The following TAB2 variants were observed in gnomAD, a reference collection of about 807,000 sequenced individuals.
TAB2 encodes the protein TGF-beta activated kinase 1 (MAP3K7) binding protein 2.
A neutral mutation model predicts 65.0 loss-of-function variants in TAB2; 3 were observed. The observed-to-expected ratio is 0.05, with a 90% CI of 0.02 to 0.12. TAB2 has a LOEUF of 0.12. TAB2 is among the 10% of genes least tolerant of loss of function. The pLI, the probability that TAB2 is intolerant of heterozygous loss-of-function variation, is 1.00. For synonymous variants in TAB2, 298 were observed against 285.1 expected (o/e 1.05, Z -0.46); for missense variants, 623 against 840.3 (o/e 0.74, Z 3.20).
chr6:149,319,982 C>T (rs189668611), intron 1 of TAB2, among the ~76,000 whole-genome samples: 1 of 152,340 alleles, frequency 6.6e-6, no homozygotes, highest in African/African-American at 2.4e-5. Context: ...ATTGAAATCA[C>T]ACCTATGCTT....
At chr6:149,222,890 A>G (rs191084482) in intron 1 of TAB2, among the ~76,000 whole-genome samples, 1 of 152,258 alleles carries the variant, frequency 6.6e-6, no homozygotes, top group East Asian at 1.9e-4. Flanking sequence ...ACTTTTTCCT[A>G]AGTAATCCAT....
chr6:149,366,749 C>T (rs1364322476), intron 1 of TAB2, among the ~76,000 whole-genome samples: 2 of 152,022 alleles, frequency 1.3e-5, no homozygotes, highest in Admixed American at 6.6e-5. Context: ...GGAAGTAGAA[C>T]CCATAAAATA....
At chr6:149,283,416 A>C (rs897305106) in intron 1 of TAB2, among the ~76,000 whole-genome samples, 3 of 152,182 alleles carry the variant, frequency 2.0e-5, no homozygotes, top group Non-Finnish European at 4.4e-5. Context: ...GTATAGAAGA[A>C]ACTACAAGAA....
intron 1 of TAB2, among the ~76,000 whole-genome samples, chr6:149,357,276 C>T (rs1439528760): frequency 1.3e-5 from 2 of 151,762 alleles, no homozygotes; most frequent in Admixed American, 6.6e-5. Context: ...ACTAATCGGG[C>T]GTGGTGGTGT....
intron 1 of TAB2, among the ~76,000 whole-genome samples, chr6:149,340,272 A>G (rs1780074231): frequency 1.3e-5 from 2 of 152,238 alleles, no homozygotes; most frequent in African/African-American, 4.8e-5. Context: ...GCTAACATTA[A>G]TAAGAGGCAT....
In TAB2 at chr6:149,255,199, T is replaced by G. The variant is rs144335792; in HGVS notation, c.-121+36423T>G. The G allele has an allele frequency of 3.9e-5, 6 of 152,326 alleles. No homozygotes were observed. In the East Asian group the frequency reaches 1.2e-3, roughly 29 times the overall value. 9.4% of individuals were successfully genotyped at this position (152,326 alleles called of 1,614,324 possible). On this transcript the variant is annotated intron_variant, in intron 1 of 1. Coordinates refer to the TAB2 transcript ENST00000606202. ...GGGCAGGACCCTGTGATGGGACTGG[T>G]CCCGTTAGAAGAGGGAGAGACACCA...
rs78968693 is a variant in TAB2 at position 149,234,121 on chromosome 6, A to G, written c.-121+15345A>G. The stretch of plus-strand genomic sequence containing the variant: ...AAGAACTATATTGAACAAGACACCT[A>G]TGACTCACAAACCGCTCCTAGTATG... On this transcript the variant is annotated intron_variant, in intron 1 of 1. Transcript: ENST00000606202. Among the ~76,000 whole-genome samples the G allele has an allele frequency of 2.9e-3, 446 of 152,306 alleles. 5 individuals are homozygous for G. The highest frequency in any genetic ancestry group is 0.023 in the East Asian group (119 of 5,194).
At chr6:149,298,279 A>C (rs1309075029) in intron 1 of TAB2, among the ~76,000 whole-genome samples, 1 of 134,378 alleles carries the variant, frequency 7.4e-6, no homozygotes. Flanking sequence ...AATCATTAGA[A>C]GAAAAAGAGA....
intron 1 of TAB2, among the ~76,000 whole-genome samples, chr6:149,290,234 A>G (rs536198004): frequency 6.6e-5 from 10 of 152,138 alleles, no homozygotes; most frequent in Non-Finnish European, 1.3e-4. Flanking sequence ...CTTGTCTGAG[A>G]GGAGAAGTCC....
intron 1 of TAB2, among the ~76,000 whole-genome samples, chr6:149,301,615 C>G (rs925188656): frequency 6.6e-6 from 1 of 152,136 alleles, no homozygotes; most frequent in African/African-American, 2.4e-5. Context: ...ATTTTCAAAT[C>G]TTTTTGTTTG....
chr6:149,324,012 G>T (rs1264557111), intron 1 of TAB2, among the ~76,000 whole-genome samples: 1 of 152,056 alleles, frequency 6.6e-6, no homozygotes, highest in Non-Finnish European at 1.5e-5. Flanking sequence ...CAGAAAGGAA[G>T]TCTGATTTAC....
intron 1 of TAB2, among the ~76,000 whole-genome samples, chr6:149,350,567 G>C (rs1780456307): frequency 7.0e-6 from 1 of 143,424 alleles, no homozygotes; most frequent in African/African-American, 2.6e-5. Flanking sequence ...TGAACGTTAT[G>C]TATTTCTTCC....
chr6:149,400,563 A>G (rs746911325), intron 6 of TAB2: 5 of 1,614,142 alleles, frequency 3.1e-6, no homozygotes, highest in East Asian at 2.2e-5. Flanking sequence ...AGTGAAGCAG[A>G]TCAGATTCCG....
intron 1 of TAB2, among the ~76,000 whole-genome samples, chr6:149,321,631 C>T (rs1320317284): frequency 6.6e-6 from 1 of 152,156 alleles, no homozygotes; most frequent in Non-Finnish European, 1.5e-5. Context: ...TGAGGTTATG[C>T]GTTTCACTTG....
chr6:149,283,773 CTT>C (rs996557272), intron 1 of TAB2, among the ~76,000 whole-genome samples: 5 of 152,008 alleles, frequency 3.3e-5, no homozygotes, highest in African/African-American at 9.7e-5. Context: ...GAAGTGGTGA[CTT>C]TTGGGAACAA....
intron 1 of TAB2, among the ~76,000 whole-genome samples, chr6:149,272,606 T>C (rs1364730867): frequency 1.3e-5 from 2 of 152,194 alleles, no homozygotes; most frequent in East Asian, 1.9e-4. Context: ...GTGATTACCA[T>C]GTGCCCACCC....
chr6:149,400,167 A>G (rs1782323486), intron 6 of TAB2: 1 of 570,924 alleles, frequency 1.8e-6, no homozygotes, highest in African/African-American at 1.9e-5. Flanking sequence ...AAGGAGTTGT[A>G]TGAATGGATT....
chr6:149,218,927 T>A (rs1777080682), intron 1 of TAB2, among the ~76,000 whole-genome samples: 1 of 152,216 alleles, frequency 6.6e-6, no homozygotes. Context: ...CATTGAAATC[T>A]GTGACTGTAA....
At chr6:149,307,431 C>T (rs368277238) in intron 1 of TAB2, among the ~76,000 whole-genome samples, 1 of 152,090 alleles carries the variant, frequency 6.6e-6, no homozygotes, top group African/African-American at 2.4e-5. Flanking sequence ...ATTTATCTTC[C>T]GTTCCACCAC....
Sources: gnomAD v4.1 joint callset for allele counts (sites outside exome capture counted in the v4.1 genomes callset) on GRCh38, gnomAD v4.1.1 for gene constraint, MANE v1.5 for transcripts, NCBI Gene and HGNC (gene_info 2026-07-23, HGNC 2026-07-21) for gene names.